GPM6A: variants seen among roughly 807,000 people sequenced by gnomAD.
GPM6A encodes glycoprotein M6A, also known as neuronal membrane glycoprotein M6-a.
A neutral mutation model predicts 32.1 loss-of-function variants in GPM6A; 7 were observed. That is an observed-to-expected ratio of 0.22 (90% CI 0.12 to 0.41). The LOEUF is 0.41. Among genes scored for constraint, GPM6A ranks in the 10% least tolerant of loss-of-function variants. GPM6A has a pLI of 1.00. For synonymous variants in GPM6A, 130 were observed against 123.4 expected (o/e 1.05, Z -0.35); for missense variants, 235 against 347.2 (o/e 0.68, Z 2.57).
chr4:175,659,196 C>T (rs1368130712), intron 3 of GPM6A, among the ~76,000 whole-genome samples: 1 of 151,688 alleles, frequency 6.6e-6, no homozygotes, highest in Non-Finnish European at 1.5e-5. Flanking sequence ...GACTCTCTTG[C>T]CTCAGCCTCT....
chr4:175,822,579 C>A (rs1735309456), intron 1 of GPM6A, among the ~76,000 whole-genome samples: 1 of 151,624 alleles, frequency 6.6e-6, no homozygotes, highest in Admixed American at 6.6e-5. Context: ...CTATACAGAT[C>A]TATTGGAAAA....
intron 1 of GPM6A, among the ~76,000 whole-genome samples, chr4:175,895,688 A>G (rs767647605): frequency 1.1e-4 from 17 of 152,218 alleles, no homozygotes; most frequent in African/African-American, 4.1e-4. Context: ...CAATTAATCA[A>G]TGTCACAAGT....
intron 1 of GPM6A, among the ~76,000 whole-genome samples, chr4:175,804,737 T>C (rs1258386168): frequency 1.3e-5 from 2 of 152,140 alleles, no homozygotes; most frequent in Non-Finnish European, 2.9e-5. Context: ...AAAACTGATA[T>C]GGTATAGGCT....
intron 1 of GPM6A, among the ~76,000 whole-genome samples, chr4:175,735,367 C>T (rs1220565437): frequency 1.3e-5 from 2 of 152,114 alleles, no homozygotes; most frequent in Non-Finnish European, 2.9e-5. Context: ...GAAGGAATTG[C>T]TATTCCTAAT....
intron 1 of GPM6A, chr4:175,970,877 T>C (rs1252418361): frequency 4.4e-6 from 2 of 456,052 alleles, no homozygotes; most frequent in Non-Finnish European, 4.4e-6. Flanking sequence ...TCTTACCAAG[T>C]GTAGGCATCA....
At chr4:175,928,375 T>A (rs1037107503) in intron 1 of GPM6A, among the ~76,000 whole-genome samples, 1 of 152,186 alleles carries the variant, frequency 6.6e-6, no homozygotes, top group South Asian at 2.1e-4. Flanking sequence ...GATACAAGCC[T>A]TTACCTGGGA....
At chr4:175,830,577 A>G (rs577872176) in intron 1 of GPM6A, among the ~76,000 whole-genome samples, 1 of 152,324 alleles carries the variant, frequency 6.6e-6, no homozygotes, top group South Asian at 2.1e-4. Context: ...TAAAGGATTT[A>G]AGTGATTTAC....
intron 1 of GPM6A, among the ~76,000 whole-genome samples, chr4:175,928,937 T>TC (rs1436004611): frequency 6.6e-6 from 1 of 152,208 alleles, no homozygotes; most frequent in East Asian, 1.9e-4. Flanking sequence ...GATACAGTTG[T>TC]CTGAGAATAC....
intron 1 of GPM6A, among the ~76,000 whole-genome samples, chr4:175,734,027 C>T (rs1460137609): frequency 6.6e-6 from 1 of 152,008 alleles, no homozygotes; most frequent in Non-Finnish European, 1.5e-5. Context: ...TCATCTCTTT[C>T]AATTTGACTT....
At chr4:175,884,279 CTTCT>C (rs1377070657) in intron 1 of GPM6A, among the ~76,000 whole-genome samples, 1 of 152,134 alleles carries the variant, frequency 6.6e-6, no homozygotes, top group Non-Finnish European at 1.5e-5. Context: ...GATTCATTGT[CTTCT>C]TTTTCTTTCA....
Position 175,735,186 on chromosome 4 carries a change from A to G in GPM6A, c.38-33419T>C, listed in dbSNP as rs1185201770. On this transcript the variant is annotated intron_variant, in intron 1 of 6. Transcript: ENST00000393658. ...TAATACTTTTTTCTTCCGGCAAAAA[A>G]TCTCTCTCAAGCTCTAACAGGCTGA... Among the ~76,000 whole-genome samples the G allele has an allele frequency of 2.6e-5, 4 of 152,174 alleles. No homozygotes were observed. In the East Asian group the frequency reaches 7.7e-4, roughly 29 times the overall value.
intron 1 of GPM6A, among the ~76,000 whole-genome samples, chr4:175,809,366 C>T (rs1378708151): frequency 6.6e-6 from 1 of 151,528 alleles, no homozygotes; most frequent in Non-Finnish European, 1.5e-5. Context: ...AAATTCAAAA[C>T]ACTCTTTTCT....
chr4:175,734,352 C>A (rs960546281), intron 1 of GPM6A, among the ~76,000 whole-genome samples: 1 of 151,936 alleles, frequency 6.6e-6, no homozygotes, highest in Non-Finnish European at 1.5e-5. Context: ...CTGTAAAAAA[C>A]ACTCAGTGGA....
At chr4:175,651,408 GCCCT>G (rs2110918608) in intron 4 of GPM6A, among the ~76,000 whole-genome samples, 1 of 151,796 alleles carries the variant, frequency 6.6e-6, no homozygotes, top group South Asian at 2.1e-4. Context: ...TTAAGATGCT[GCCCT>G]CCCATTTCAG....
rs1740810642 is a variant in GPM6A, at chr4:175,637,616, TA to T, written c.684+2512del. Among the ~76,000 whole-genome samples the T allele has an allele frequency of 1.5e-4, 4 of 26,580 alleles. 1 individual carries two copies. Among genetic ancestry groups the T allele is most frequent in the Admixed American group, 1.0e-3 (1 of 978 alleles). The allele number at this position is 26,580 out of a possible 152,430, so 17.4% of individuals were successfully genotyped here. On this transcript the variant is annotated intron_variant, in intron 6 of 6. Transcript: ENST00000393658. ...TATATTATGTAAAATATATAATATA[TA>T]ATATATATTATATATATATTATATA... is the stretch of plus-strand genomic sequence containing the variant.
intron 6 of GPM6A, among the ~76,000 whole-genome samples, chr4:175,635,424 T>C (rs1450478072): frequency 6.6e-6 from 1 of 152,106 alleles, no homozygotes; most frequent in Non-Finnish European, 1.5e-5. Flanking sequence ...TAATCAGAAA[T>C]ATTTTCACAT....
At chr4:175,872,131 A>G (rs544703476) in intron 1 of GPM6A, among the ~76,000 whole-genome samples, 2 of 152,254 alleles carry the variant, frequency 1.3e-5, no homozygotes, top group Admixed American at 1.3e-4. Flanking sequence ...AGCATTTGAA[A>G]TCAATACTAG....
chr4:175,873,108 T>C (rs1286038875), intron 1 of GPM6A, among the ~76,000 whole-genome samples: 1 of 152,108 alleles, frequency 6.6e-6, no homozygotes, highest in Non-Finnish European at 1.5e-5. Flanking sequence ...ATTAGATAGA[T>C]AGATATGTTA....
intron 1 of GPM6A, among the ~76,000 whole-genome samples, chr4:175,735,088 T>C (rs1044514140): frequency 1.3e-5 from 2 of 152,240 alleles, no homozygotes; most frequent in Non-Finnish European, 2.9e-5. Flanking sequence ...GTGCAACTTA[T>C]AATAGTTTTC....
Sources: allele counts gnomAD v4.1 joint callset (sites outside exome capture counted in the v4.1 genomes callset), GRCh38; gene constraint gnomAD v4.1.1; transcripts MANE v1.5; gene names NCBI Gene and HGNC (gene_info 2026-07-23, HGNC 2026-07-21).